EFCAB7: variants seen among roughly 807,000 people sequenced by gnomAD.
EFCAB7 encodes the protein EF-hand calcium-binding domain-containing protein 7.
In EFCAB7, 66 loss-of-function variants were observed where a neutral mutation model predicts 77.1. That is an observed-to-expected ratio of 0.86 (90% CI 0.70 to 1.05). The LOEUF is 1.05. Ranked by LOEUF, EFCAB7 falls within the 50% of genes least tolerant of loss-of-function variation. The pLI, the probability that EFCAB7 is intolerant of heterozygous loss-of-function variation, is 0.00. For synonymous variants in EFCAB7, 225 were observed against 243.3 expected (o/e 0.92, Z 0.70); for missense variants, 638 against 730.5 (o/e 0.87, Z 1.46).
chr1:63,567,264 T>G (rs1647181953), intron 11 of EFCAB7, among the ~76,000 whole-genome samples: 1 of 151,898 alleles, frequency 6.6e-6, no homozygotes, highest in Non-Finnish European at 1.5e-5. Flanking sequence ...ACCAGTGTGG[T>G]CAACATGGTG....
At chr1:63,541,657 C>T (rs1050363636) in intron 6 of EFCAB7, among the ~76,000 whole-genome samples, 12 of 152,016 alleles carry the variant, frequency 7.9e-5, no homozygotes, top group Admixed American at 2.0e-4. Flanking sequence ...CTCCGCCTCC[C>T]GGTTTCAAGG....
intron 6 of EFCAB7, among the ~76,000 whole-genome samples, chr1:63,539,571 G>A (rs991132158): frequency 1.3e-5 from 2 of 152,156 alleles, no homozygotes; most frequent in African/African-American, 4.8e-5. Flanking sequence ...AGGAGACCTA[G>A]CTTTTGGTTC....
Position 63,557,353 on chromosome 1 carries a change from C to T in EFCAB7, c.1348+106C>T. 2.8e-6 allele frequency: 3 copies of T among 1,064,918 alleles called. No individual in the cohort carries two copies. The African/African-American group carries it at 5.0e-5, about 18-fold the overall frequency. The allele number at this position is 1,064,918 out of a possible 1,614,324, so 66.0% of individuals were successfully genotyped here. On this transcript the variant is annotated intron_variant, in intron 10 of 13. Transcript: ENST00000371088. ...ACTTCTGCATGAAATATTATTATAGCATTTAGGACAGTTTGAAAGTAGTAT... is the reference window on the plus strand; with the variant it reads ...ACTTCTGCATGAAATATTATTATAGTATTTAGGACAGTTTGAAAGTAGTAT...
At chr1:63,566,038 C>G (rs532880583) in intron 11 of EFCAB7, among the ~76,000 whole-genome samples, 15 of 152,306 alleles carry the variant, frequency 9.8e-5, no homozygotes, top group African/African-American at 3.6e-4. Context: ...TATAAAGACA[C>G]ATACACATGT....
intron 7 of EFCAB7, among the ~76,000 whole-genome samples, chr1:63,551,307 T>C (rs1341193481): frequency 6.6e-6 from 1 of 152,210 alleles, no homozygotes; most frequent in Non-Finnish European, 1.5e-5. Context: ...AAAAATGGAA[T>C]ATGGGCCGGG....
At chr1:63,532,561 T>C in intron 3 of EFCAB7, 109 bp from the exon 4 acceptor site, 1 of 690,532 alleles carries the variant, frequency 1.4e-6, no homozygotes, top group East Asian at 2.9e-5. Context: ...AATGAAGCAA[T>C]ACATTCAGAC....
chr1:63,559,303 A>AAC (rs1647066644), intron 10 of EFCAB7, among the ~76,000 whole-genome samples: 2 of 104,452 alleles, frequency 1.9e-5, no homozygotes. Flanking sequence ...CTCTGTCTCA[A>AAC]AAAAAAAAAA....
chr1:63,583,214 C>T, the EFCAB7 span, among the ~76,000 whole-genome samples: 1 of 152,128 alleles, frequency 6.6e-6, no homozygotes, highest in South Asian at 2.1e-4. Context: ...GGATAACAAA[C>T]TCTACCATTT....
chr1:63,583,911 C>G, the EFCAB7 span, among the ~76,000 whole-genome samples: 1 of 82,610 alleles, frequency 1.2e-5, no homozygotes, highest in Admixed American at 1.7e-4. Context: ...CAGACCTAAT[C>G]AAAGAAATGA....
chr1:63,554,405 A>G (rs542534955), intron 8 of EFCAB7, among the ~76,000 whole-genome samples: 1 of 152,276 alleles, frequency 6.6e-6, no homozygotes, highest in South Asian at 2.1e-4. Flanking sequence ...CAATGGCACG[A>G]TCTCAGCTCC....
At position 63,549,431 on chromosome 1, in the gene EFCAB7, T is replaced by C. The variant is rs74078260; in HGVS notation, c.947-2294T>C. On this transcript the variant is annotated intron_variant, in intron 7 of 13. Transcript: ENST00000371088. The stretch of plus-strand genomic sequence containing the variant: ...ATATTGAACATCTTAAGTCTGTTAC[T>C]TGGAGTATGGATTGAGTTTGGAGCT... The C allele has an allele frequency of 5.3e-3, 2,466 of 466,318 alleles. 57 individuals carry two copies. The highest frequency in any genetic ancestry group is 0.045 in the African/African-American group (2,237 of 49,732). 28.9% of individuals were successfully genotyped at this position (466,318 alleles called of 1,614,324 possible). A position where few individuals can be genotyped will look rare whatever the true frequency, so the allele number is the denominator to read the frequency against.
intron 9 of EFCAB7, 76 bp from the exon 10 acceptor site, chr1:63,557,037 CA>C (rs35668099): frequency 0.095 from 87,867 of 926,456 alleles, no homozygotes; most frequent in South Asian, 0.11. Context: ...GACTCCGTCT[CA>C]AAAAAAAAAA....
intron 6 of EFCAB7, among the ~76,000 whole-genome samples, chr1:63,541,386 G>A (rs546595953): frequency 1.3e-5 from 2 of 152,256 alleles, no homozygotes; most frequent in Admixed American, 6.5e-5. Flanking sequence ...GGGAACACAT[G>A]TCAATAGCTT....
the EFCAB7 span, among the ~76,000 whole-genome samples, chr1:63,582,068 T>A: frequency 6.6e-6 from 1 of 152,248 alleles, no homozygotes. Flanking sequence ...TCAAGTGTTG[T>A]GAGTATCCAC....
downstream of EFCAB7, among the ~76,000 whole-genome samples, chr1:63,572,976 G>A (rs1475933786): frequency 1.3e-5 from 2 of 152,094 alleles, no homozygotes; most frequent in Admixed American, 1.3e-4. Flanking sequence ...GTTAAGGCAG[G>A]AACAGGCCAT....
At chr1:63,560,702 A>G (rs777347919) in intron 10 of EFCAB7, among the ~76,000 whole-genome samples, 89 of 151,880 alleles carry the variant, frequency 5.9e-4, no homozygotes, top group Non-Finnish European at 8.2e-4. Flanking sequence ...TTGTATTTTT[A>G]GTAGAGATGG....
At position 63,555,343 on chromosome 1, in the gene EFCAB7, T is replaced by C. The variant is rs1032793493; in HGVS notation, c.1057-15T>C. 1.3e-6 allele frequency: 2 copies of C among 1,593,870 alleles called. No individual in the cohort carries two copies. Among genetic ancestry groups the C allele is most frequent in the African/African-American group, 2.7e-5 (2 of 73,732 alleles). The stretch of plus-strand genomic sequence containing the variant: ...TAAGACTGATGATTGTTTTATTTCA[T>C]TGTTTTGAGAAAAGGTGTTTGGATG... On this transcript the variant is annotated splice_polypyrimidine_tract_variant and intron_variant, in intron 8 of 13. Coordinates refer to ENST00000371088, the MANE Select transcript of EFCAB7 (RefSeq NM_032437.4).
intron 11 of EFCAB7, among the ~76,000 whole-genome samples, chr1:63,562,495 A>ATATATATATATATAT (rs1159517087): frequency 4.1e-5 from 3 of 72,842 alleles, no homozygotes; most frequent in South Asian, 4.4e-4. Context: ...ATATATATAT[A>ATATATATATATATAT]AAACTTTTTT....
chr1:63,544,396 C>T (rs1020891444), intron 6 of EFCAB7, among the ~76,000 whole-genome samples: 10 of 151,918 alleles, frequency 6.6e-5, no homozygotes, highest in African/African-American at 1.2e-4. Context: ...TTATATTCAT[C>T]GGCATTGTTC....
Sources: gnomAD v4.1 joint callset for allele counts (sites outside exome capture counted in the v4.1 genomes callset) on GRCh38, gnomAD v4.1.1 for gene constraint, MANE v1.5 for transcripts, NCBI Gene and HGNC (gene_info 2026-07-23, HGNC 2026-07-21) for gene names.